NF2: variants seen among roughly 807,000 people sequenced by gnomAD.
NF2 encodes the protein merlin.
In NF2, 8 loss-of-function variants were observed where a neutral mutation model predicts 83.7. The ratio of observed to expected loss-of-function variants is 0.10; its 90% CI spans 0.06 to 0.17. The LOEUF (loss-of-function observed/expected upper bound fraction) is 0.17, where lower values mean the gene tolerates loss of function less well. Ranked by LOEUF, NF2 falls within the 10% of genes least tolerant of loss-of-function variation. NF2 has a pLI of 1.00. For synonymous variants in NF2, 266 were observed against 269.6 expected (o/e 0.99, Z 0.13); for missense variants, 533 against 744.4 (o/e 0.72, Z 3.31).
At chr22:29,639,462 A>C (rs2065740838) in intron 3 of NF2, among the ~76,000 whole-genome samples, 1 of 152,230 alleles carries the variant, frequency 6.6e-6, no homozygotes, top group African/African-American at 2.4e-5. Flanking sequence ...TACCTAACTT[A>C]AAACCTCCTT....
chr22:29,612,571 C>G (rs1455443868), intron 1 of NF2, among the ~76,000 whole-genome samples: 1 of 151,720 alleles, frequency 6.6e-6, no homozygotes, highest in Admixed American at 6.6e-5. Flanking sequence ...AACCTGACCT[C>G]AAGCAACCTC....
intron 1 of NF2, among the ~76,000 whole-genome samples, chr22:29,622,870 G>A (rs1046155799): frequency 2.0e-5 from 3 of 151,154 alleles, no homozygotes; most frequent in East Asian, 3.9e-4. Context: ...TGGCCAGGAC[G>A]GTCTCGATCT....
intron 4 of NF2, among the ~76,000 whole-genome samples, chr22:29,646,372 C>T (rs1248450134): frequency 6.6e-6 from 1 of 152,208 alleles, no homozygotes; most frequent in Non-Finnish European, 1.5e-5. Flanking sequence ...TTGCCTGTCA[C>T]TGTCTAGCTT....
intron 1 of NF2, among the ~76,000 whole-genome samples, chr22:29,618,037 A>G (rs984644198): frequency 2.0e-5 from 3 of 152,344 alleles, no homozygotes; most frequent in East Asian, 1.9e-4. Flanking sequence ...AGGAGGGACT[A>G]TAATTGGCCT....
chr22:29,645,369 A>T (rs900196534), intron 4 of NF2, among the ~76,000 whole-genome samples: 1 of 152,216 alleles, frequency 6.6e-6, no homozygotes, highest in African/African-American at 2.4e-5. Context: ...TAAGAGCAGA[A>T]GGGTAGAATT....
intron 4 of NF2, among the ~76,000 whole-genome samples, chr22:29,650,152 T>C (rs1313265319): frequency 6.6e-6 from 1 of 152,188 alleles, no homozygotes; most frequent in African/African-American, 2.4e-5. Flanking sequence ...TGGTGATGGT[T>C]GCACAAGATT....
chr22:29,614,057 G>A (rs1048010439), intron 1 of NF2, among the ~76,000 whole-genome samples: 1 of 150,322 alleles, frequency 6.7e-6, no homozygotes, highest in East Asian at 2.0e-4. Context: ...GCACCCGGCC[G>A]GAATAGTCCT....
chr22:29,685,344 C>T (rs1164360489), intron 15 of NF2, among the ~76,000 whole-genome samples: 1 of 148,628 alleles, frequency 6.7e-6, no homozygotes, highest in Non-Finnish European at 1.5e-5. Flanking sequence ...CTGAGCTCAA[C>T]CAATCTGCCC....
At position 29,674,923 on chromosome 22, in the gene NF2, C is replaced by T. The variant is rs1017011958; in HGVS notation, c.1428C>T (p.Ala476=). ...RRAKQKLLEI[A]TKPTYPPMNP... The stretch of plus-strand genomic sequence containing the variant: ...CCAAGCAGAAGCTCCTGGAGATTGC[C>T]ACCAAGCCCACGTACCCGGTGAGCC... Residue 476 remains alanine, a synonymous_variant, in exon 13 of 16, where the codon GCC becomes GCT. Coordinates refer to ENST00000338641, the MANE Select transcript of NF2 (RefSeq NM_000268.4). The T allele has an allele frequency of 6.4e-7, 1 of 1,569,434 alleles. No individual in the cohort carries two copies. Among genetic ancestry groups the T allele is most frequent in the Non-Finnish European group, 8.6e-7 (1 of 1,156,462 alleles).
chr22:29,644,941 A>C (rs1413892996), intron 4 of NF2, among the ~76,000 whole-genome samples: 8 of 152,032 alleles, frequency 5.3e-5, no homozygotes, highest in Non-Finnish European at 1.2e-4. Flanking sequence ...CCATGGGGAG[A>C]GGGAGACCAT....
intron 15 of NF2, among the ~76,000 whole-genome samples, chr22:29,684,964 A>C (rs2067235476): frequency 6.6e-6 from 1 of 151,132 alleles, no homozygotes; most frequent in Admixed American, 6.6e-5. Flanking sequence ...GAAGAGAAGT[A>C]CTGCTTTAGG....
intron 1 of NF2, among the ~76,000 whole-genome samples, chr22:29,616,331 C>G (rs1296186476): frequency 2.6e-5 from 4 of 152,066 alleles, no homozygotes; most frequent in Non-Finnish European, 5.9e-5. Context: ...AATTATATAT[C>G]AAGATGTTTA....
intron 9 of NF2, among the ~76,000 whole-genome samples, chr22:29,665,368 C>T (rs1467358594): frequency 6.6e-6 from 1 of 151,958 alleles, no homozygotes; most frequent in Admixed American, 6.6e-5. Context: ...CTCAGCCTCC[C>T]AAGTAGCTGG....
chr22:29,676,866 T>C (rs1240015798), intron 13 of NF2, among the ~76,000 whole-genome samples: 1 of 136,394 alleles, frequency 7.3e-6, no homozygotes, highest in African/African-American at 2.5e-5. Flanking sequence ...ATTTTTATGA[T>C]GTGTAACATA....
intron 15 of NF2, chr22:29,683,755 A>G (rs963633451): frequency 3.0e-5 from 32 of 1,065,486 alleles, no homozygotes; most frequent in Middle Eastern, 4.2e-4. Flanking sequence ...ACATTGGAAC[A>G]GTACACTCAC....
At chr22:29,620,968 A>G (rs1392609716) in intron 1 of NF2, among the ~76,000 whole-genome samples, 1 of 152,174 alleles carries the variant, frequency 6.6e-6, no homozygotes, top group African/African-American at 2.4e-5. Flanking sequence ...AAGTGGGGAA[A>G]CAGAGGCTCA....
intron 3 of NF2, among the ~76,000 whole-genome samples, 188 bp downstream of exon 3, chr22:29,639,400 G>A (rs2065739364): frequency 6.6e-6 from 1 of 152,066 alleles, no homozygotes; most frequent in African/African-American, 2.4e-5. Context: ...GATGAAAATT[G>A]GTGTCAGATG....
At chr22:29,668,678 G>A (rs755550658) in intron 10 of NF2, among the ~76,000 whole-genome samples, 4 of 152,212 alleles carry the variant, frequency 2.6e-5, no homozygotes, top group African/African-American at 7.2e-5. Flanking sequence ...TAATTTCTAC[G>A]CTTGGAGAAA....
intron 3 of NF2, 26 bp from the exon 4 acceptor site, chr22:29,642,176 C>T (rs1040896962): frequency 1.3e-6 from 2 of 1,586,158 alleles, no homozygotes; most frequent in Non-Finnish European, 1.7e-6. Flanking sequence ...CACAGAGTAT[C>T]ATGTCTCCCT....
Sources: gnomAD v4.1 joint callset for allele counts (sites outside exome capture counted in the v4.1 genomes callset) on GRCh38, gnomAD v4.1.1 for gene constraint, MANE v1.5 for transcripts, NCBI Gene and HGNC (gene_info 2026-07-23, HGNC 2026-07-21) for gene names.